KNOP1: variants seen among roughly 807,000 people sequenced by gnomAD.
The protein encoded by KNOP1 is lysine-rich nucleolar protein 1.
A neutral mutation model predicts 30.6 loss-of-function variants in KNOP1; 20 were observed. The observed-to-expected ratio is 0.65, with a 90% CI of 0.46 to 0.95. The LOEUF (loss-of-function observed/expected upper bound fraction) is 0.95, where lower values mean the gene tolerates loss of function less well. Ranked by LOEUF, KNOP1 falls within the 40% of genes least tolerant of loss-of-function variation. The pLI, the probability that KNOP1 is intolerant of heterozygous loss-of-function variation, is 0.00. For synonymous variants in KNOP1, 204 were observed against 210.0 expected (o/e 0.97, Z 0.25); for missense variants, 540 against 562.0 (o/e 0.96, Z 0.40).
intron 1 of KNOP1, chr16:19,717,514 G>A (rs893951052): frequency 1.0e-6 from 1 of 985,296 alleles, no homozygotes; most frequent in Non-Finnish European, 1.2e-6. Flanking sequence ...CCACCGGGAG[G>A]TTGCGGGTCA....
Position 19,707,231 on chromosome 16 carries a change from G to C in KNOP1, c.1066-10C>G. On this transcript the variant is annotated splice_polypyrimidine_tract_variant and intron_variant, in intron 4 of 4. Coordinates refer to ENST00000219837, the MANE Select transcript of KNOP1 (RefSeq NM_001012991.3). ...GGCCAAACTGGGTTCCCTGTGAGGA[G>C]AGGAAAAAGGTGGCTATTTTCCTTG... The C allele has an allele frequency of 6.2e-7, 1 of 1,602,672 alleles. No individual in the cohort carries two copies. The highest frequency in any genetic ancestry group is 1.3e-5 in the African/African-American group (1 of 74,146).
intron 1 of KNOP1, 198 bp from the exon 2 acceptor site, chr16:19,715,235 T>C (rs1317272649): frequency 3.1e-5 from 14 of 452,190 alleles, no homozygotes; most frequent in Non-Finnish European, 5.0e-5. Context: ...AGCCCTAGGT[T>C]CAAACCTAAA....
rs1976332959 is a variant in KNOP1, at chr16:19,705,858, C to T, written c.*1052G>A. ...CAACAAGCCGTGATATGCCACTACA[C>T]TCCAGCCTGGGTGACAGAGTGAGAG... is the stretch of plus-strand genomic sequence containing the variant. On this transcript the variant is annotated 3_prime_UTR_variant, in exon 5 of 5. Coordinates refer to ENST00000219837, the MANE Select transcript of KNOP1 (RefSeq NM_001012991.3). 6.6e-6 allele frequency: 1 copy of T among 152,574 alleles called. No individual in the cohort carries two copies. Among genetic ancestry groups the T allele is most frequent in the Admixed American group, 6.5e-5 (1 of 15,302 alleles). The allele number at this position is 152,574 out of a possible 1,614,324, so 9.5% of individuals were successfully genotyped here.
chr16:19,713,648 C>T (rs551057489), intron 2 of KNOP1, among the ~76,000 whole-genome samples: 4 of 152,234 alleles, frequency 2.6e-5, no homozygotes, highest in African/African-American at 7.2e-5. Context: ...CAGGCATCTC[C>T]GGCTACCCAA....
intron 1 of KNOP1, among the ~76,000 whole-genome samples, chr16:19,716,207 A>C (rs987986029): frequency 6.6e-5 from 10 of 152,210 alleles, no homozygotes; most frequent in African/African-American, 1.7e-4. Flanking sequence ...TGTCCTGCTC[A>C]GTGCCTGGCA....
intron 3 of KNOP1, 94 bp from the exon 4 acceptor site, chr16:19,710,680 G>A (rs59522553): frequency 0.22 from 216,742 of 977,382 alleles, 34,978 homozygotes; most frequent in African/African-American, 0.75. Flanking sequence ...GGAACGGAAC[G>A]TGGGAGGAAC....
intron 4 of KNOP1, among the ~76,000 whole-genome samples, chr16:19,708,059 CAG>C (rs1476090984): frequency 1.3e-5 from 2 of 151,162 alleles, no homozygotes; most frequent in African/African-American, 2.4e-5. Context: ...CCCTGCAACA[CAG>C]GGCACCCCAC....
In KNOP1 at chr16:19,706,163, T is replaced by C. The variant is rs4780820; in HGVS notation, c.*747A>G. The C allele has an allele frequency of 1, 152,199 of 152,436 alleles. 75,982 individuals are homozygous for C. Among genetic ancestry groups the C allele is most frequent in the Middle Eastern group, 1 (292 of 292 alleles). 9.4% of individuals were successfully genotyped at this position (152,436 alleles called of 1,614,324 possible). A position where few individuals can be genotyped will look rare whatever the true frequency, so the allele number is the denominator to read the frequency against. ...GGAAAGGAAAAGGAAGGAAAAGGAG[T>C]TTGCGATTCTCCGTTCCTCATTCAC... On this transcript the variant is annotated 3_prime_UTR_variant, in exon 5 of 5. Transcript: ENST00000219837.
rs1180409977 is a variant in KNOP1, at chr16:19,705,588, G to C, written c.*1322C>G. The C allele has an allele frequency of 1.4e-5, 4 of 280,132 alleles. No homozygotes were observed. Among genetic ancestry groups the C allele is most frequent in the African/African-American group, 2.2e-5 (1 of 44,966 alleles). The allele number at this position is 280,132 out of a possible 1,614,324, so 17.4% of individuals were successfully genotyped here. On this transcript the variant is annotated 3_prime_UTR_variant, in exon 5 of 5. Transcript: ENST00000219837. ...GGATTCTCTTCCTTGTGATAAAAAA[G>C]AATCTCATCAGACACATCCCTGGGG...
At chr16:19,715,415 T>C (rs1014042951) in intron 1 of KNOP1, 299 of 143,784 alleles carry the variant, frequency 2.1e-3, no homozygotes, top group Non-Finnish European at 3.4e-3. Flanking sequence ...CTTTTTCTCT[T>C]TTTTTTTTTT....
rs548451872 is a variant in KNOP1, at chr16:19,705,695, T to C, written c.*1215A>G. Reference sequence around the variant, plus strand: ...TGAGTTGAGTCCAGGAGTTTGGGACTAGCCTGGACAATATAGTGAGACCCC... The same window carrying C: ...TGAGTTGAGTCCAGGAGTTTGGGACCAGCCTGGACAATATAGTGAGACCCC... On this transcript the variant is annotated 3_prime_UTR_variant, in exon 5 of 5. Transcript: ENST00000219837. 5.5e-5 allele frequency: 10 copies of C among 180,580 alleles called. No individual in the cohort carries two copies. The highest frequency in any genetic ancestry group is 1.2e-4 in the South Asian group (1 of 8,102). 11.2% of individuals were successfully genotyped at this position (180,580 alleles called of 1,614,324 possible).
chr16:19,714,073 C>T (rs753610937), intron 2 of KNOP1, 45 bp downstream of exon 2: 1 of 1,553,118 alleles, frequency 6.4e-7, no homozygotes, highest in Non-Finnish European at 8.7e-7. Context: ...CAAACCCCAC[C>T]CTTAATTCTC....
chr16:19,711,518 A>C, intron 2 of KNOP1, 78 bp from the exon 3 acceptor site: 6 of 1,426,450 alleles, frequency 4.2e-6, no homozygotes, highest in Non-Finnish European at 5.9e-6. Flanking sequence ...CCAGGGTGAG[A>C]CCATGACAAA....
chr16:19,717,827 G>C (rs753993969), intron 1 of KNOP1: 34 of 1,023,858 alleles, frequency 3.3e-5, no homozygotes, highest in Non-Finnish European at 3.5e-5. Flanking sequence ...GGACTCCAAA[G>C]CCTGTGCAGC....
intron 4 of KNOP1, chr16:19,710,277 C>A (rs1476087136): frequency 2.0e-5 from 12 of 590,124 alleles, no homozygotes; most frequent in Non-Finnish European, 3.0e-5. Flanking sequence ...AAGGTTCAGG[C>A]AGCTTATCTC....
intron 3 of KNOP1, among the ~76,000 whole-genome samples, 179 bp downstream of exon 3, chr16:19,711,193 G>A (rs1372315220): frequency 6.6e-6 from 1 of 152,254 alleles, no homozygotes. Context: ...CCCAGCATGA[G>A]GATGGGGAAA....
chr16:19,710,680 G>C (rs59522553), intron 3 of KNOP1, 94 bp from the exon 4 acceptor site: 1 of 977,302 alleles, frequency 1.0e-6, no homozygotes, highest in Non-Finnish European at 1.6e-6. Flanking sequence ...GGAACGGAAC[G>C]TGGGAGGAAC....
At chr16:19,710,460 G>A (rs141309740) in intron 4 of KNOP1, 49 bp downstream of exon 4, 125 of 1,583,472 alleles carry the variant, frequency 7.9e-5, no homozygotes, top group Non-Finnish European at 9.8e-5. Context: ...GGGAAGCGTC[G>A]GGAGGCCGAG....
At position 19,703,595 on chromosome 16, in the gene KNOP1, C is replaced by CT. The variant is rs1894960421; in HGVS notation, c.*3314dup. 2 of 150,046 alleles carry CT rather than the reference C, an allele frequency of 1.3e-5. No homozygotes were observed. The highest frequency in any genetic ancestry group is 4.2e-4 in the South Asian group (2 of 4,760). The allele number at this position is 150,046 out of a possible 1,614,324, so 9.3% of individuals were successfully genotyped here. ...TTTTTTTTTGGAATGGGGTCTTGCTCTGTCACCCAGGCTGGAACACAGTGG... is the reference window on the plus strand; with the variant it reads ...TTTTTTTTTGGAATGGGGTCTTGCTCTTGTCACCCAGGCTGGAACACAGTGG... On this transcript the variant is annotated 3_prime_UTR_variant, in exon 5 of 5. Coordinates refer to ENST00000219837, the MANE Select transcript of KNOP1 (RefSeq NM_001012991.3).
Sources: gnomAD v4.1 joint callset for allele counts (sites outside exome capture counted in the v4.1 genomes callset) on GRCh38, gnomAD v4.1.1 for gene constraint, MANE v1.5 for transcripts, NCBI Gene and HGNC (gene_info 2026-07-23, HGNC 2026-07-21) for gene names.